The following PHF24 variants were observed in gnomAD, a reference collection of about 807,000 sequenced individuals.
PHF24 encodes the protein PHD finger protein 24, also known as Galpha inhibitory interacting protein.
PHF24 carries 25 observed loss-of-function variants against 42.6 expected under a neutral mutation model. The ratio of observed to expected loss-of-function variants is 0.59; its 90% CI spans 0.43 to 0.82. The LOEUF (loss-of-function observed/expected upper bound fraction) is 0.82, where lower values mean the gene tolerates loss of function less well. Ranked by LOEUF, PHF24 falls within the 40% of genes least tolerant of loss-of-function variation. PHF24 has a pLI of 0.00. For synonymous variants in PHF24, 185 were observed against 204.8 expected (o/e 0.90, Z 0.83); for missense variants, 470 against 538.1 (o/e 0.87, Z 1.25).
the PHF24 span, chr9:34,723,622 A>G: frequency 7.1e-6 from 11 of 1,551,746 alleles, no homozygotes; most frequent in Non-Finnish European, 9.6e-6. Context: ...TAGACTCTGT[A>G]AGGCTGGGCT....
the PHF24 span, among the ~76,000 whole-genome samples, chr9:34,668,307 G>A: frequency 1.3e-5 from 2 of 152,170 alleles, no homozygotes; most frequent in African/African-American, 4.8e-5. Flanking sequence ...GAGAAGAGCA[G>A]CCAGAGGCTC....
the PHF24 span, among the ~76,000 whole-genome samples, chr9:34,735,446 C>T: frequency 6.6e-6 from 1 of 151,376 alleles, no homozygotes; most frequent in African/African-American, 2.4e-5. Flanking sequence ...AGATATCCAG[C>T]TTTCAACAAA....
At chr9:34,892,153 T>C in the PHF24 span, among the ~76,000 whole-genome samples, 1 of 152,140 alleles carries the variant, frequency 6.6e-6, no homozygotes, top group Non-Finnish European at 1.5e-5. Context: ...CAGTGCATCC[T>C]CTAGGCAGTG....
chr9:34,769,609 A>G, the PHF24 span, among the ~76,000 whole-genome samples: 1 of 152,222 alleles, frequency 6.6e-6, no homozygotes, highest in Non-Finnish European at 1.5e-5. Flanking sequence ...AATATCCAGG[A>G]AAACTCTTAA....
the PHF24 span, among the ~76,000 whole-genome samples, chr9:34,911,529 G>GT: frequency 1.3e-5 from 2 of 152,216 alleles, no homozygotes; most frequent in South Asian, 4.1e-4. Context: ...CGGGATTACA[G>GT]GCGTGAGCCA....
At chr9:34,691,200 C>A in the PHF24 span, 16 of 1,529,504 alleles carry the variant, frequency 1.0e-5, no homozygotes, top group Admixed American at 3.5e-5. Flanking sequence ...TGGGTGTGTG[C>A]AGGATCTGTG....
chr9:34,822,580 G>A, the PHF24 span, among the ~76,000 whole-genome samples: 1 of 152,178 alleles, frequency 6.6e-6, no homozygotes, highest in Non-Finnish European at 1.5e-5. Flanking sequence ...GATGTCATGA[G>A]CTTAGTGTGT....
the PHF24 span, among the ~76,000 whole-genome samples, chr9:34,936,637 C>T: frequency 4.6e-5 from 7 of 151,702 alleles, no homozygotes; most frequent in South Asian, 1.3e-3. Context: ...CGCCTCTTCC[C>T]GGCCGCCATC....
At chr9:34,722,093 T>C in the PHF24 span, among the ~76,000 whole-genome samples, 17 of 152,186 alleles carry the variant, frequency 1.1e-4, no homozygotes, top group Non-Finnish European at 2.5e-4. Context: ...ACTCTCTCTG[T>C]ATTATCTGAA....
chr9:34,678,705 A>G, the PHF24 span, among the ~76,000 whole-genome samples: 1 of 150,078 alleles, frequency 6.7e-6, no homozygotes, highest in Non-Finnish European at 1.5e-5. Flanking sequence ...ATCTCGGCTC[A>G]CTGCAACCTC....
chr9:34,928,793 C>T, the PHF24 span, among the ~76,000 whole-genome samples: 55 of 152,304 alleles, frequency 3.6e-4, no homozygotes, highest in South Asian at 6.2e-4. Context: ...CATCCCTGTC[C>T]ATTAACTTCT....
the PHF24 span, among the ~76,000 whole-genome samples, chr9:34,949,016 T>C: frequency 6.6e-6 from 1 of 152,294 alleles, no homozygotes; most frequent in South Asian, 2.1e-4. Context: ...ATGCACATAA[T>C]AACAGATGCT....
chr9:34,928,677 C>T, the PHF24 span, among the ~76,000 whole-genome samples: 1 of 152,120 alleles, frequency 6.6e-6, no homozygotes, highest in Non-Finnish European at 1.5e-5. Context: ...AGCACAGTGT[C>T]TGTATAAGGG....
chr9:34,764,512 G>T, the PHF24 span, among the ~76,000 whole-genome samples: 6 of 151,908 alleles, frequency 3.9e-5, no homozygotes, highest in African/African-American at 1.5e-4. Flanking sequence ...TTCTCTGATG[G>T]TAGTTTGTAT....
chr9:34,879,633 G>A, the PHF24 span, among the ~76,000 whole-genome samples: 1 of 152,214 alleles, frequency 6.6e-6, no homozygotes, highest in Non-Finnish European at 1.5e-5. Context: ...ATGAAATGAA[G>A]CGAGAAGAGA....
chr9:34,971,520 C>A (rs371942641), exon 2 of PHF24: 4 of 1,614,112 alleles, frequency 2.5e-6, no homozygotes, highest in Admixed American at 3.3e-5. Flanking sequence ...AGAGTAGTGC[C>A]GGCCGCGCAG....
chr9:34,970,168 T>C (rs927198087), intron 1 of PHF24, among the ~76,000 whole-genome samples: 3 of 152,228 alleles, frequency 2.0e-5, no homozygotes, highest in Non-Finnish European at 4.4e-5. Flanking sequence ...ATTCCCCAGC[T>C]GACTTCCACT....
At chr9:34,727,066 T>C in the PHF24 span, 6 of 1,485,828 alleles carry the variant, frequency 4.0e-6, no homozygotes, top group Non-Finnish European at 4.5e-6. Flanking sequence ...GAGTGGGCAC[T>C]CTCCTTTCCC....
At chr9:34,871,229 A>G in the PHF24 span, among the ~76,000 whole-genome samples, 3 of 152,314 alleles carry the variant, frequency 2.0e-5, no homozygotes, top group South Asian at 2.1e-4. Flanking sequence ...TTTACTTGCC[A>G]TCTGTATACC....
Sources: gnomAD v4.1 joint callset for allele counts (sites outside exome capture counted in the v4.1 genomes callset) on GRCh38, gnomAD v4.1.1 for gene constraint, MANE v1.5 for transcripts, NCBI Gene and HGNC (gene_info 2026-07-23, HGNC 2026-07-21) for gene names.